ATP10B: variants seen among roughly 807,000 people sequenced by gnomAD.
ATP10B encodes the protein phospholipid-transporting ATPase VB.
ATP10B carries 122 observed loss-of-function variants against 141.2 expected under a neutral mutation model. The observed-to-expected ratio is 0.86, with a 90% CI of 0.75 to 1.00. The LOEUF (loss-of-function observed/expected upper bound fraction) is 1.00. Ranked by LOEUF, ATP10B falls within the 50% of genes least tolerant of loss-of-function variation. The pLI is 0.00. For missense variants in ATP10B, 1,876 were observed against 1,825.3 expected, an observed-to-expected ratio of 1.03 and a Z score of -0.51; for synonymous variants, 685 against 692.0, an observed-to-expected ratio of 0.99 and a Z score of 0.16.
upstream of ATP10B, among the ~76,000 whole-genome samples, chr5:160,853,309 G>A (rs954052882): frequency 7.9e-5 from 12 of 152,166 alleles, no homozygotes; most frequent in African/African-American, 2.7e-4. Context: ...TTCTAGGGAC[G>A]AGTGTGGTCT....
At position 160,686,334 on chromosome 5, in the gene ATP10B, C is replaced by T. The variant is rs1255402835; in HGVS notation, c.276-61G>A. 3.2e-6 allele frequency: 4 copies of T among 1,250,500 alleles called. No homozygotes were observed. The East Asian group carries it at 1.0e-4, about 32-fold the overall frequency. 77.5% of individuals were successfully genotyped at this position (1,250,500 alleles called of 1,614,324 possible). The stretch of plus-strand genomic sequence containing the variant: ...GAGAAGAAAAATGTACTTTCTCCCC[C>T]ATTTCTTCCCTACTGTTTGGCCTTG... On this transcript the variant is annotated intron_variant, in intron 5 of 25. Coordinates refer to ENST00000327245, the MANE Select transcript of ATP10B (RefSeq NM_025153.3).
At chr5:160,796,051 C>T (rs1042635319) in intron 1 of ATP10B, among the ~76,000 whole-genome samples, 11 of 152,140 alleles carry the variant, frequency 7.2e-5, no homozygotes, top group Non-Finnish European at 1.6e-4. Context: ...TTACTGTCAC[C>T]ACATTTAGTG....
chr5:160,594,494 A>C (rs1346062384), intron 22 of ATP10B, among the ~76,000 whole-genome samples: 2 of 152,124 alleles, frequency 1.3e-5, no homozygotes, highest in South Asian at 2.1e-4. Context: ...CAAGCAAAAT[A>C]ACCAGCTAAC....
At chr5:160,897,736 A>G in the ATP10B span, among the ~76,000 whole-genome samples, 3 of 152,228 alleles carry the variant, frequency 2.0e-5, no homozygotes, top group Non-Finnish European at 4.4e-5. Flanking sequence ...TAGCCAAGAC[A>G]ATCCTAAGCC....
chr5:160,625,690 A>G (rs753501054), intron 13 of ATP10B, among the ~76,000 whole-genome samples: 5 of 152,210 alleles, frequency 3.3e-5, no homozygotes, highest in Non-Finnish European at 5.9e-5. Context: ...GACACAGTTA[A>G]CATGCTTCAA....
intron 7 of ATP10B, among the ~76,000 whole-genome samples, chr5:160,660,516 A>T (rs1016641875): frequency 4.6e-5 from 7 of 152,242 alleles, no homozygotes; most frequent in Non-Finnish European, 1.0e-4. Flanking sequence ...TTATTTTGAA[A>T]ATGTAAATGA....
chr5:160,565,636 C>T lies in ATP10B; in HGVS notation c.4203G>A (p.Gln1401=), dbSNP rs1399500822. The T allele has an allele frequency of 6.2e-7, 1 of 1,614,154 alleles. No individual in the cohort carries two copies. The highest frequency in any genetic ancestry group is 2.2e-5 in the East Asian group (1 of 44,866). The change falls in exon 26 of 26, where the codon CAG becomes CAA. Residue 1401 remains glutamine, a synonymous_variant. Transcript: ENST00000327245. ...CCCTCATGCACTCCGTGCCACATCT[C>T]TGTTCGTGGAGTACTGACTCTTCCA... ...KHVEESVLHE[Q]RCGTECMRDD... is the part of the protein sequence containing the mutation.
chr5:160,580,601 G>A (rs1755481870), intron 24 of ATP10B, among the ~76,000 whole-genome samples: 2 of 152,182 alleles, frequency 1.3e-5, no homozygotes, highest in South Asian at 4.1e-4. Context: ...ATGTTTAACA[G>A]GGATATTGGC....
At chr5:160,751,895 T>TATA (rs1309737326) in intron 2 of ATP10B, among the ~76,000 whole-genome samples, 1 of 152,170 alleles carries the variant, frequency 6.6e-6, no homozygotes, top group Non-Finnish European at 1.5e-5. Flanking sequence ...GGTCATTAGA[T>TATA]ATAATAACTA....
chr5:160,811,953 G>A (rs182900746), intron 1 of ATP10B, among the ~76,000 whole-genome samples: 6 of 151,952 alleles, frequency 3.9e-5, no homozygotes, highest in Admixed American at 1.3e-4. Context: ...GGCCACAGGG[G>A]TGCCTGTGTT....
the ATP10B span, among the ~76,000 whole-genome samples, chr5:160,904,203 G>A: frequency 6.6e-6 from 1 of 152,090 alleles, no homozygotes; most frequent in African/African-American, 2.4e-5. Context: ...TCAGAAAACT[G>A]CAGAACATTG....
intron 2 of ATP10B, among the ~76,000 whole-genome samples, chr5:160,736,893 T>C (rs1767156204): frequency 1.3e-5 from 2 of 152,160 alleles, no homozygotes; most frequent in South Asian, 2.1e-4. Context: ...TGGGAATACC[T>C]CCTAACTCAT....
intron 1 of ATP10B, among the ~76,000 whole-genome samples, chr5:160,822,672 C>A (rs1179816814): frequency 6.6e-6 from 1 of 151,932 alleles, no homozygotes; most frequent in Non-Finnish European, 1.5e-5. Context: ...ATATAGTATT[C>A]TTCAGCCATA....
the ATP10B span, among the ~76,000 whole-genome samples, chr5:160,883,789 A>T: frequency 6.6e-6 from 1 of 152,192 alleles, no homozygotes; most frequent in Non-Finnish European, 1.5e-5. Context: ...AAAGAGTGTT[A>T]ACAAAAGTAT....
chr5:160,644,351 C>T (rs1760115387), intron 8 of ATP10B, 107 bp from the exon 9 acceptor site: 1 of 759,928 alleles, frequency 1.3e-6, no homozygotes, highest in Non-Finnish European at 2.3e-6. Flanking sequence ...TCCCTCTCCT[C>T]CCTGTTTTTT....
In ATP10B at chr5:160,632,207, G is replaced by A; in HGVS notation, c.1542C>T (p.Pro514=). 1 of 1,614,146 alleles carries A rather than the reference G, an allele frequency of 6.2e-7. No individual in the cohort carries two copies. The highest frequency in any genetic ancestry group is 8.5e-7 in the Non-Finnish European group (1 of 1,180,022). ...ACCTTTGCCGGTAGTGGCCCTGGAT[G>A]GGCACCCGGGCACTCTGGCTCCTCC... ...PLRRSQSARV[P]IQGHYRQRSM... is the part of the protein sequence containing the mutation. The change falls in exon 13 of 26, where the codon CCC becomes CCT. Residue 514 remains proline, a synonymous_variant. Coordinates refer to ENST00000327245, the MANE Select transcript of ATP10B (RefSeq NM_025153.3).
At chr5:160,849,520 C>A (rs1017313458) in intron 1 of ATP10B, among the ~76,000 whole-genome samples, 1 of 151,852 alleles carries the variant, frequency 6.6e-6, no homozygotes, top group African/African-American at 2.4e-5. Context: ...ACAAAAAATG[C>A]CATATCCATT....
intron 6 of ATP10B, among the ~76,000 whole-genome samples, chr5:160,682,627 G>A (rs1401940571): frequency 6.6e-6 from 1 of 152,096 alleles, no homozygotes; most frequent in Non-Finnish European, 1.5e-5. Context: ...TGCAGCCCAC[G>A]TGCATTCCTC....
chr5:160,655,942 T>C (rs970751965), intron 7 of ATP10B, among the ~76,000 whole-genome samples: 2 of 152,054 alleles, frequency 1.3e-5, no homozygotes, highest in Non-Finnish European at 2.9e-5. Flanking sequence ...CGAAGGAAAG[T>C]GGGCCTGGTG....
Sources: allele counts gnomAD v4.1 joint callset (sites outside exome capture counted in the v4.1 genomes callset), GRCh38; gene constraint gnomAD v4.1.1; transcripts MANE v1.5; gene names NCBI Gene and HGNC (gene_info 2026-07-23, HGNC 2026-07-21).